The following PAXBP1 variants were observed in gnomAD, a reference collection of about 807,000 sequenced individuals.
PAXBP1 encodes the protein PAX3- and PAX7-binding protein 1.
PAXBP1 carries 44 observed loss-of-function variants against 119.9 expected under a neutral mutation model. The observed-to-expected ratio is 0.37, with a 90% CI of 0.29 to 0.47. The LOEUF is 0.47. PAXBP1 is among the 20% of genes least tolerant of loss of function. The pLI, the probability that PAXBP1 is intolerant of heterozygous loss-of-function variation, is 0.99. For missense variants in PAXBP1, 898 were observed against 1,134.1 expected, an observed-to-expected ratio of 0.79 and a Z score of 2.99; for synonymous variants, 393 against 406.6, an observed-to-expected ratio of 0.97 and a Z score of 0.40.
At chr21:32,763,855 G>C (rs2044193128) in intron 3 of PAXBP1, among the ~76,000 whole-genome samples, 1 of 152,000 alleles carries the variant, frequency 6.6e-6, no homozygotes, top group Non-Finnish European at 1.5e-5. Flanking sequence ...GTATGGTGGT[G>C]CACGCCTGTT....
At chr21:32,767,577 G>T (rs1258283393) in intron 2 of PAXBP1, among the ~76,000 whole-genome samples, 1 of 152,166 alleles carries the variant, frequency 6.6e-6, no homozygotes, top group East Asian at 1.9e-4. Context: ...CCCAGGAGGA[G>T]GTAACTAAAT....
chr21:32,771,489 C>A lies in PAXBP1; in HGVS notation c.180G>T (p.Gly60=), dbSNP rs2044351384. 2.4e-5 allele frequency: 32 copies of A among 1,329,400 alleles called. No homozygotes were observed. Among genetic ancestry groups the A allele is most frequent in the Middle Eastern group, 2.8e-4 (1 of 3,566 alleles). 82.4% of individuals were successfully genotyped at this position (1,329,400 alleles called of 1,614,324 possible). A position where few individuals can be genotyped will look rare whatever the true frequency, so the allele number is the denominator to read the frequency against. The change falls in exon 1 of 18, where the codon GGG becomes GGT. Residue 60 remains glycine (G), a synonymous_variant. Transcript: ENST00000331923. The part of the protein sequence containing the change: ...APGGESLLGP[G]PSPPSALTPG... ...GGGTCAGCGCGGAAGGCGGCGACGG[C>A]CCCGGGCCCAGCAGCGACTCCCCGC...
At chr21:32,761,187 AG>A in intron 4 of PAXBP1, 25 bp from the exon 5 acceptor site, 1 of 1,567,560 alleles carries the variant, frequency 6.4e-7, no homozygotes, top group Non-Finnish European at 8.8e-7. Context: ...AACAAAGAAA[AG>A]TAAGTAACAC....
chr21:32,749,327 T>C (rs1279808404), intron 10 of PAXBP1, among the ~76,000 whole-genome samples: 1 of 152,058 alleles, frequency 6.6e-6, no homozygotes, highest in Non-Finnish European at 1.5e-5. Flanking sequence ...CCTGAGTAGC[T>C]GGGATTACAG....
At chr21:32,752,323 T>A (rs1306177410) in intron 8 of PAXBP1, among the ~76,000 whole-genome samples, 1 of 152,134 alleles carries the variant, frequency 6.6e-6, no homozygotes, top group Non-Finnish European at 1.5e-5. Flanking sequence ...ACTCCCCTAA[T>A]CTCTTGCCTA....
intron 13 of PAXBP1, 116 bp from the exon 14 acceptor site, chr21:32,743,870 T>A (rs2043827087): frequency 3.2e-6 from 2 of 619,734 alleles, no homozygotes; most frequent in African/African-American, 1.9e-5. Context: ...CTCAAATTTT[T>A]AATTTTCCTC....
chr21:32,744,859 A>G lies in PAXBP1; in HGVS notation c.2123T>C (p.Val708Ala). The change falls in exon 13 of 18, where the codon GTG becomes GCG. Residue 708 changes from valine (V) to alanine (A), a missense_variant. By Grantham distance (64) the Val-to-Ala change is moderately conservative (BLOSUM62 0). Coordinates refer to ENST00000331923, the MANE Select transcript of PAXBP1 (RefSeq NM_016631.4). Reference protein sequence around the residue: ...PFSTTQTSRMVGITLKLINGY... With the variant: ...PFSTTQTSRMAGITLKLINGY... Reference sequence around the variant, plus strand: ...ATTGATTAATTTTAGTGTAATTCCCACCATTCTTGAAGTCTGTGTTGTAGA... The same window carrying G: ...ATTGATTAATTTTAGTGTAATTCCCGCCATTCTTGAAGTCTGTGTTGTAGA... The G allele has an allele frequency of 1.2e-6, 2 of 1,607,276 alleles. No individual in the cohort carries two copies. The highest frequency in any genetic ancestry group is 2.2e-5 in the South Asian group (2 of 89,460).
intron 6 of PAXBP1, 151 bp from the exon 7 acceptor site, chr21:32,759,420 T>A: frequency 1.2e-6 from 1 of 851,922 alleles, no homozygotes; most frequent in African/African-American, 1.7e-5. Context: ...GCTTTTTTTC[T>A]CAAAAAACAA....
chr21:32,741,030 A>G (rs774380014), intron 15 of PAXBP1, among the ~76,000 whole-genome samples: 20 of 152,214 alleles, frequency 1.3e-4, no homozygotes, highest in Non-Finnish European at 2.1e-4. Context: ...ATGAGATACC[A>G]CATTGCACCC....
chr21:32,742,411 C>T (rs941499691), intron 15 of PAXBP1: 6 of 152,414 alleles, frequency 3.9e-5, no homozygotes, highest in African/African-American at 1.4e-4. Flanking sequence ...GTGTAGCCTG[C>T]TCTCTTTCAC....
intron 2 of PAXBP1, among the ~76,000 whole-genome samples, chr21:32,767,933 G>GA (rs936641805): frequency 5.9e-5 from 9 of 152,196 alleles, no homozygotes; most frequent in South Asian, 2.1e-4. Flanking sequence ...GAATTCTGAG[G>GA]AAAATAAGGC....
chr21:32,741,574 T>C (rs773917924), intron 15 of PAXBP1: 63 of 772,062 alleles, frequency 8.2e-5, no homozygotes, highest in Non-Finnish European at 7.2e-5. Context: ...CAGCATTCTT[T>C]CCTTCTGGGT....
Position 32,755,350 on chromosome 21 carries a change from G to A in PAXBP1, c.1387C>T (p.Pro463Ser). 2 of 1,611,614 alleles carry A rather than the reference G, an allele frequency of 1.2e-6. No homozygotes were observed. The highest frequency in any genetic ancestry group is 2.2e-5 in the South Asian group (2 of 90,628). ...DLLECFSEKVPLINELESAIH... is the reference protein window; with the variant it reads ...DLLECFSEKVSLINELESAIH... Reference sequence around the variant, plus strand: ...GCTGATTCAAGTTCATTAATCAGTGGCACCTGTAAAAATACAACACACTCC... The same window carrying A: ...GCTGATTCAAGTTCATTAATCAGTGACACCTGTAAAAATACAACACACTCC... The change falls in exon 8 of 18, where the codon CCA becomes TCA. Residue 463 changes from proline (P) to serine (S), a missense_variant. Pro to Ser is a moderately conservative substitution (Grantham distance 74). Around this residue, in one of 2 missense-constraint regions of PAXBP1, gnomAD observed 599 missense variants for 852.7 expected, o/e 0.70. Transcript: ENST00000331923.
chr21:32,767,714 G>C (rs1261639257), intron 2 of PAXBP1, among the ~76,000 whole-genome samples: 1 of 152,084 alleles, frequency 6.6e-6, no homozygotes, highest in Non-Finnish European at 1.5e-5. Context: ...CATGTAAAAA[G>C]TGCCTTTCAC....
chr21:32,748,508 A>T lies in PAXBP1; in HGVS notation c.1914T>A (p.Thr638=). 1 of 1,612,836 alleles carries T rather than the reference A, an allele frequency of 6.2e-7. No homozygotes were observed. Among genetic ancestry groups the T allele is most frequent in the Non-Finnish European group, 8.5e-7 (1 of 1,179,422 alleles). ...PLIRLQLLTW[T]PLEAKCRDFE... is the part of the protein sequence containing the mutation. The stretch of plus-strand genomic sequence containing the variant: ...GACAGAAGCCACTCACCTCAAGAGG[A>T]GTCCAAGTGAGGAGCTGAAGTCGTA... The change falls in exon 11 of 18, where the codon ACT becomes ACA. Residue 638 remains threonine (T), a synonymous_variant. Coordinates refer to ENST00000331923, the MANE Select transcript of PAXBP1 (RefSeq NM_016631.4).
At chr21:32,759,684 T>G in intron 6 of PAXBP1, 93 bp downstream of exon 6, 1 of 1,045,078 alleles carries the variant, frequency 9.6e-7, no homozygotes, top group Non-Finnish European at 1.4e-6. Context: ...GAATCTTCTT[T>G]GCTGATATTC....
intron 5 of PAXBP1, 85 bp from the exon 6 acceptor site, chr21:32,760,079 G>C (rs1012937264): frequency 4.6e-6 from 5 of 1,088,160 alleles, no homozygotes; most frequent in Non-Finnish European, 6.6e-6. Flanking sequence ...AAAATCAACA[G>C]CAAAAATTAT....
chr21:32,757,154 G>GA lies in PAXBP1; in HGVS notation c.1384-1802dup, dbSNP rs571113855. Among the ~76,000 whole-genome samples the GA allele has an allele frequency of 6.1e-5, 9 of 148,654 alleles. 1 individual carries two copies. The South Asian group carries it at 1.3e-3, about 21-fold the overall frequency. On this transcript the variant is annotated intron_variant, in intron 7 of 17. Coordinates refer to ENST00000331923, the MANE Select transcript of PAXBP1 (RefSeq NM_016631.4). ...CACCTAAACTTTCATAAGCAAAGAG[G>GA]AAAAAAAAAGGGATCTTTATCTTTT...
intron 2 of PAXBP1, among the ~76,000 whole-genome samples, chr21:32,768,657 T>C (rs1569169822): frequency 1.3e-5 from 2 of 152,162 alleles, no homozygotes; most frequent in African/African-American, 2.4e-5. Flanking sequence ...GCCTCCAATC[T>C]CTCCTCATGC....
Sources: gnomAD v4.1 joint callset for allele counts (sites outside exome capture counted in the v4.1 genomes callset) on GRCh38, gnomAD v4.1.1 for gene constraint, gnomAD v4.1.1 regional missense constraint, MANE v1.5 for transcripts, NCBI Gene and HGNC (gene_info 2026-07-23, HGNC 2026-07-21) for gene names.